The following CDK14 variants were observed in gnomAD, a reference collection of about 807,000 sequenced individuals.
CDK14 encodes cyclin dependent kinase 14, also known as cyclin-dependent kinase 14.
A neutral mutation model predicts 60.7 loss-of-function variants in CDK14; 34 were observed. The ratio of observed to expected loss-of-function variants is 0.56; its 90% CI spans 0.43 to 0.75. The LOEUF (loss-of-function observed/expected upper bound fraction) is 0.75. Among genes scored for constraint, CDK14 ranks in the 30% least tolerant of loss-of-function variants. CDK14 has a pLI of 0.00. For synonymous variants in CDK14, 197 were observed against 203.7 expected (o/e 0.97, Z 0.28); for missense variants, 482 against 564.1 (o/e 0.85, Z 1.47).
intron 2 of CDK14, among the ~76,000 whole-genome samples, chr7:90,620,187 A>G (rs1799737210): frequency 1.3e-5 from 2 of 152,334 alleles, no homozygotes; most frequent in East Asian, 1.9e-4. Flanking sequence ...TGGGACATCT[A>G]CCACTTCAAG....
intron 2 of CDK14, among the ~76,000 whole-genome samples, chr7:90,640,094 T>G (rs918576124): frequency 2.6e-5 from 4 of 152,160 alleles, no homozygotes; most frequent in African/African-American, 9.6e-5. Flanking sequence ...TGCCTCGCCC[T>G]GCTTCAGCTG....
At chr7:90,738,299 A>G (rs919002287) in intron 3 of CDK14, among the ~76,000 whole-genome samples, 1 of 152,198 alleles carries the variant, frequency 6.6e-6, no homozygotes, top group Non-Finnish European at 1.5e-5. Context: ...TGGTGGTATT[A>G]TAGAGATTAA....
chr7:90,953,269 C>A (rs1794315488), intron 8 of CDK14, among the ~76,000 whole-genome samples: 1 of 152,106 alleles, frequency 6.6e-6, no homozygotes, highest in Non-Finnish European at 1.5e-5. Flanking sequence ...AATATAATAA[C>A]ATTCTTCACT....
At chr7:91,161,344 A>G (rs995048999) in intron 14 of CDK14, among the ~76,000 whole-genome samples, 13 of 152,214 alleles carry the variant, frequency 8.5e-5, no homozygotes, top group African/African-American at 3.1e-4. Flanking sequence ...ATGTAAAGCC[A>G]AAAAACTGAA....
intron 10 of CDK14, among the ~76,000 whole-genome samples, chr7:91,019,087 G>A (rs1015243068): frequency 2.0e-5 from 3 of 152,174 alleles, no homozygotes; most frequent in African/African-American, 7.2e-5. Flanking sequence ...TCATTGTGAT[G>A]ATTGAAGATA....
intron 5 of CDK14, among the ~76,000 whole-genome samples, chr7:90,814,699 C>G (rs1444237496): frequency 3.3e-5 from 5 of 152,156 alleles, no homozygotes; most frequent in Non-Finnish European, 7.4e-5. Context: ...TTGCTTGAAC[C>G]GAGGAGGTGG....
In CDK14 at chr7:90,863,058, A is replaced by G. The variant is rs531753008; in HGVS notation, c.545-117A>G. ...TACCCTTCATTTTGAATTGTTATTG[A>G]CTTGGAACATGTGAAAATAGATATC... is the stretch of plus-strand genomic sequence containing the variant. On this transcript the variant is annotated intron_variant, in intron 5 of 14. Coordinates refer to ENST00000380050, the MANE Select transcript of CDK14 (RefSeq NM_001287135.2). 3 of 548,570 alleles carry G rather than the reference A, an allele frequency of 5.5e-6. No individual in the cohort carries two copies. In the African/African-American group the frequency reaches 5.9e-5, roughly 11 times the overall value. The allele number at this position is 548,570 out of a possible 1,614,324, so 34.0% of individuals were successfully genotyped here. A position where few individuals can be genotyped will look rare whatever the true frequency, so the allele number is the denominator to read the frequency against.
intron 8 of CDK14, among the ~76,000 whole-genome samples, chr7:90,945,378 G>C (rs1028011863): frequency 6.6e-6 from 1 of 152,172 alleles, no homozygotes; most frequent in Non-Finnish European, 1.5e-5. Flanking sequence ...CACAAATGGG[G>C]CAATTGAGGG....
intron 14 of CDK14, among the ~76,000 whole-genome samples, chr7:91,157,004 A>G (rs1239306225): frequency 6.6e-6 from 1 of 152,356 alleles, no homozygotes; most frequent in South Asian, 2.1e-4. Context: ...ATTAAATTCC[A>G]TCCTTGTGAC....
chr7:91,157,020 T>C (rs773260035), intron 14 of CDK14, among the ~76,000 whole-genome samples: 4 of 152,188 alleles, frequency 2.6e-5, no homozygotes, highest in African/African-American at 9.7e-5. Context: ...GTGACTTAGG[T>C]ATCTTAAGTG....
intron 6 of CDK14, among the ~76,000 whole-genome samples, chr7:90,883,210 AAAG>A (rs1771307876): frequency 6.6e-6 from 1 of 152,152 alleles, no homozygotes; most frequent in Non-Finnish European, 1.5e-5. Context: ...CTAGACTAAT[AAAG>A]AAGAAGAGGG....
chr7:90,939,961 C>T (rs1457630552), intron 8 of CDK14, among the ~76,000 whole-genome samples: 3 of 152,140 alleles, frequency 2.0e-5, no homozygotes, highest in Admixed American at 2.0e-4. Context: ...CATTTACAAC[C>T]GATGACTATT....
intron 13 of CDK14, among the ~76,000 whole-genome samples, chr7:91,117,162 C>T (rs536925354): frequency 2.4e-4 from 36 of 149,666 alleles, no homozygotes; most frequent in African/African-American, 7.9e-4. Context: ...CTAGTCTTAC[C>T]GTTGTCAATA....
intron 2 of CDK14, chr7:90,726,332 T>C: frequency 1.0e-6 from 1 of 980,412 alleles, no homozygotes; most frequent in Non-Finnish European, 1.2e-6. Context: ...CTTAAGTTTC[T>C]CATTTTAGAG....
chr7:90,865,642 G>C (rs1791153575), intron 6 of CDK14, among the ~76,000 whole-genome samples: 1 of 152,074 alleles, frequency 6.6e-6, no homozygotes, highest in Non-Finnish European at 1.5e-5. Flanking sequence ...TGTGGGCTTG[G>C]GATGAATGAG....
intron 2 of CDK14, among the ~76,000 whole-genome samples, chr7:90,640,090 G>C (rs538945152): frequency 6.6e-6 from 1 of 152,098 alleles, no homozygotes; most frequent in South Asian, 2.1e-4. Flanking sequence ...GCAGTGCCTC[G>C]CCCTGCTTCA....
At chr7:90,810,667 A>G (rs1356104986) in intron 5 of CDK14, among the ~76,000 whole-genome samples, 1 of 152,186 alleles carries the variant, frequency 6.6e-6, no homozygotes. Flanking sequence ...GAAAAGAGGA[A>G]GTCAAATTGT....
rs1369809555 is a variant in CDK14, at chr7:91,091,501, T to TTTTATATATATATATATA, written c.1154+12022_1154+12023insTTATATATATATATATAT. Among the ~76,000 whole-genome samples the TTTTATATATATATATATA allele has an allele frequency of 1.7e-3, 147 of 88,988 alleles. 7 individuals carry two copies. Among genetic ancestry groups the TTTTATATATATATATATA allele is most frequent in the African/African-American group, 6.2e-3 (143 of 23,030 alleles). 58.4% of individuals were successfully genotyped at this position (88,988 alleles called of 152,430 possible). On this transcript the variant is annotated intron_variant, in intron 12 of 14. Coordinates refer to ENST00000380050, the MANE Select transcript of CDK14 (RefSeq NM_001287135.2). Reference sequence around the variant, plus strand: ...TATATGTATATGTAGTTTATATATTTTATATATATATATATAAATTAGCCA... The same window carrying TTTTATATATATATATATA: ...TATATGTATATGTAGTTTATATATTTTTTATATATATATATATATATATATATATATATAAATTAGCCA...
At chr7:90,842,955 A>G (rs1323229861) in intron 5 of CDK14, among the ~76,000 whole-genome samples, 5 of 152,244 alleles carry the variant, frequency 3.3e-5, no homozygotes, top group Middle Eastern at 3.4e-3. Context: ...TGTTGCTTTT[A>G]TTGGAGAGGT....
Sources: allele counts gnomAD v4.1 joint callset (sites outside exome capture counted in the v4.1 genomes callset), GRCh38; gene constraint gnomAD v4.1.1; transcripts MANE v1.5; gene names NCBI Gene and HGNC (gene_info 2026-07-23, HGNC 2026-07-21).